ASTN2: variants seen among roughly 807,000 people sequenced by gnomAD.
ASTN2 encodes the protein astrotactin-2.
Under a neutral mutation model 139.8 loss-of-function variants are expected in ASTN2, and 54 were observed. The observed-to-expected ratio is 0.39, with a 90% CI of 0.31 to 0.48. The LOEUF is 0.48. Ranked by LOEUF, ASTN2 falls within the 20% of genes least tolerant of loss-of-function variation. The pLI is 0.95. For missense variants in ASTN2, 1,565 were observed against 1,725.1 expected, an observed-to-expected ratio of 0.91 and a Z score of 1.64; for synonymous variants, 756 against 719.5, an observed-to-expected ratio of 1.05 and a Z score of -0.81.
rs976127687 is a variant in ASTN2 at position 116,839,678 on chromosome 9, A to ATC, written c.2041-18896_2041-18895insGA. ...ACCGGTCTAATTTTTGTATATATAT[A>ATC]TTTTTTTCCTGAGAGGGAGTCTCGC... On this transcript the variant is annotated intron_variant, in intron 11 of 22. Coordinates refer to ENST00000313400, the MANE Select transcript of ASTN2 (RefSeq NM_001365068.1). Among the ~76,000 whole-genome samples the ATC allele has an allele frequency of 7.3e-5, 11 of 150,242 alleles. No homozygotes were observed. In the East Asian group the frequency reaches 1.8e-3, roughly 24 times the overall value.
intron 13 of ASTN2, among the ~76,000 whole-genome samples, chr9:116,734,206 T>C (rs960890555): frequency 1.3e-5 from 2 of 152,158 alleles, no homozygotes; most frequent in African/African-American, 4.8e-5. Flanking sequence ...TTAGTGCTCT[T>C]TCCCTTGCTC....
intron 4 of ASTN2, among the ~76,000 whole-genome samples, chr9:117,131,703 T>C (rs1829832228): frequency 6.6e-6 from 1 of 152,208 alleles, no homozygotes; most frequent in South Asian, 2.1e-4. Flanking sequence ...TTCAAGTCTT[T>C]AGATAATGTT....
At chr9:116,719,749 A>G (rs1319469961) in intron 16 of ASTN2, among the ~76,000 whole-genome samples, 1 of 152,124 alleles carries the variant, frequency 6.6e-6, no homozygotes, top group Non-Finnish European at 1.5e-5. Context: ...AATGTTGCAG[A>G]AGAGGATGAA....
intron 3 of ASTN2, among the ~76,000 whole-genome samples, chr9:117,205,333 A>AAGACTTACC (rs1369041175): frequency 2.6e-5 from 4 of 152,210 alleles, no homozygotes; most frequent in African/African-American, 9.6e-5. Flanking sequence ...CTTGGGGTTC[A>AAGACTTACC]AGACTTACCA....
chr9:116,738,507 A>G (rs977493481), intron 13 of ASTN2, among the ~76,000 whole-genome samples: 2 of 151,988 alleles, frequency 1.3e-5, no homozygotes, highest in Non-Finnish European at 2.9e-5. Context: ...TGTGTTGGGT[A>G]CAGTGTCTAC....
Position 116,701,853 on chromosome 9 carries a change from A to G in ASTN2, c.2806+23918T>C, listed in dbSNP as rs1827821339. Among the ~76,000 whole-genome samples, 3 of 144,178 alleles carry G rather than the reference A, an allele frequency of 2.1e-5. No individual in the cohort carries two copies. The South Asian group carries it at 6.6e-4, about 32-fold the overall frequency. The allele number at this position is 144,178 out of a possible 152,430, so 94.6% of individuals were successfully genotyped here. On this transcript the variant is annotated intron_variant, in intron 16 of 22. Coordinates refer to ENST00000313400, the MANE Select transcript of ASTN2 (RefSeq NM_001365068.1). The stretch of plus-strand genomic sequence containing the variant: ...TGCAGACTAGGGCCCCAAGAAACTA[A>G]TTTGTTCAATTACAGCAGTTTTTTG...
intron 2 of ASTN2, among the ~76,000 whole-genome samples, chr9:117,275,564 C>CTTTTTTT (rs57767279): frequency 8.4e-6 from 1 of 119,186 alleles, no homozygotes; most frequent in Non-Finnish European, 1.7e-5. Context: ...ATCTCTCCCT[C>CTTTTTTT]TTTTTTTTTT....
rs369931695 is a variant in ASTN2 at position 117,349,727 on chromosome 9, A to G, written c.443-58214T>C. On this transcript the variant is annotated intron_variant, in intron 1 of 22. Coordinates refer to ENST00000313400, the MANE Select transcript of ASTN2 (RefSeq NM_001365068.1). ...AATTGTCTTGCAGTGGAAAAACCCA[A>G]TGGACACTGCCCCAAATAAATGATG... is the stretch of plus-strand genomic sequence containing the variant. Among the ~76,000 whole-genome samples the G allele has an allele frequency of 1.1e-4, 17 of 152,292 alleles. No individual in the cohort carries two copies. In the South Asian group the frequency reaches 1.5e-3, roughly 13 times the overall value.
chr9:116,509,447 A>T (rs9775490), intron 19 of ASTN2, among the ~76,000 whole-genome samples: 138,510 of 152,186 alleles, frequency 0.91, 63,116 homozygotes, highest in African/African-American at 0.93. Context: ...TTTGCTATTG[A>T]GAATAGTGCC....
At chr9:117,394,656 T>C (rs1383935441) in intron 1 of ASTN2, among the ~76,000 whole-genome samples, 1 of 152,188 alleles carries the variant, frequency 6.6e-6, no homozygotes, top group African/African-American at 2.4e-5. Context: ...AGAACAAGGT[T>C]GTCCCTGACA....
intron 22 of ASTN2, among the ~76,000 whole-genome samples, chr9:116,430,821 A>C (rs1341359580): frequency 6.6e-6 from 1 of 152,200 alleles, no homozygotes; most frequent in Non-Finnish European, 1.5e-5. Flanking sequence ...GCTGGGGAGG[A>C]GAAGGAAGAG....
At chr9:116,434,495 T>G (rs1237848935) in intron 22 of ASTN2, among the ~76,000 whole-genome samples, 1 of 152,212 alleles carries the variant, frequency 6.6e-6, no homozygotes, top group East Asian at 1.9e-4. Flanking sequence ...AAAGATCCTG[T>G]GATGATTTCT....
chr9:116,964,539 G>A lies in ASTN2; in HGVS notation c.1889+10669C>T, dbSNP rs185021895. 6.6e-5 allele frequency among the ~76,000 whole-genome samples: 10 copies of A among 152,272 alleles called. No homozygotes were observed. In the East Asian group the frequency reaches 1.9e-3, roughly 29 times the overall value. ...GGAGGCAATGAGATGTCTATCAGCA[G>A]AAGGTAGATTCCATCACTCAGGACT... is the stretch of plus-strand genomic sequence containing the variant. On this transcript the variant is annotated intron_variant, in intron 10 of 22. Coordinates refer to ENST00000313400, the MANE Select transcript of ASTN2 (RefSeq NM_001365068.1).
chr9:116,863,521 C>A, intron 11 of ASTN2, 62 bp downstream of exon 11: 1 of 1,582,374 alleles, frequency 6.3e-7, no homozygotes, highest in Non-Finnish European at 8.6e-7. Flanking sequence ...CAGGGCAGGG[C>A]TTCTAGCAGG....
intron 10 of ASTN2, among the ~76,000 whole-genome samples, chr9:116,947,006 A>G (rs1473988974): frequency 1.3e-5 from 2 of 151,526 alleles, no homozygotes; most frequent in Non-Finnish European, 2.9e-5. Flanking sequence ...AGAGTTCTCC[A>G]ATGTGTATTA....
chr9:117,079,681 T>C (rs1356372555), intron 5 of ASTN2, among the ~76,000 whole-genome samples: 2 of 81,434 alleles, frequency 2.5e-5, no homozygotes, highest in Non-Finnish European at 5.3e-5. Context: ...GATATATTCA[T>C]TCCTCCAGGG....
At chr9:117,225,574 T>TATATACAC (rs371374987) in intron 2 of ASTN2, among the ~76,000 whole-genome samples, 2 of 77,944 alleles carry the variant, frequency 2.6e-5, no homozygotes, top group Admixed American at 1.7e-4. Flanking sequence ...TATATATATA[T>TATATACAC]ACAGATGAAC....
chr9:116,575,776 A>G (rs1245229390), intron 19 of ASTN2, among the ~76,000 whole-genome samples: 1 of 152,112 alleles, frequency 6.6e-6, no homozygotes, highest in Admixed American at 6.5e-5. Context: ...CTCCCTGTAT[A>G]TTGGACTGTA....
chr9:117,140,708 G>A (rs886100947), intron 4 of ASTN2, among the ~76,000 whole-genome samples: 2 of 152,118 alleles, frequency 1.3e-5, no homozygotes, highest in Admixed American at 1.3e-4. Context: ...AGCAGCAGCA[G>A]AGGAAAAGGA....
Sources: gnomAD v4.1 joint callset for allele counts (sites outside exome capture counted in the v4.1 genomes callset) on GRCh38, gnomAD v4.1.1 for gene constraint, MANE v1.5 for transcripts, NCBI Gene and HGNC (gene_info 2026-07-23, HGNC 2026-07-21) for gene names.